Variants in PCDH15 observed in about 807,000 individuals in gnomAD.
PCDH15 encodes protocadherin-15.
PCDH15 carries 129 observed loss-of-function variants against 178.5 expected under a neutral mutation model. That is an observed-to-expected ratio of 0.72 (90% CI 0.63 to 0.84). The LOEUF is 0.84. Among genes scored for constraint, PCDH15 ranks in the 40% least tolerant of loss-of-function variants. PCDH15 has a pLI of 0.00. For missense variants in PCDH15, 2,230 were observed against 2,099.9 expected (o/e 1.06, Z -1.21); for synonymous variants, 800 against 732.0 (o/e 1.09, Z -1.50).
rs1954177922 is a variant in PCDH15 at position 54,877,936 on chromosome 10, CTCTTTTTTTTTTT to C, written c.-29+19501_-29+19513del. Reference sequence around the variant, plus strand: ...TCTCTTATTCTCTTTCTCTCTCTCTCTCTTTTTTTTTTTTTTTTTTTTTTTTTTTTTTTTTTTT... The same window carrying C: ...TCTCTTATTCTCTTTCTCTCTCTCTCTTTTTTTTTTTTTTTTTTTTTTTTT... On this transcript the variant is annotated intron_variant, in intron 3 of 5. Transcript: ENST00000458638. Among the ~76,000 whole-genome samples, 7 of 104,326 alleles carry C rather than the reference CTCTTTTTTTTTTT, an allele frequency of 6.7e-5. 2 individuals carry two copies. Among genetic ancestry groups the C allele is most frequent in the Non-Finnish European group, 1.4e-4 (7 of 50,044 alleles). The allele number at this position is 104,326 out of a possible 152,430, so 68.4% of individuals were successfully genotyped here.
intron 2 of PCDH15, among the ~76,000 whole-genome samples, chr10:54,951,128 G>C (rs1030864550): frequency 6.6e-6 from 1 of 151,820 alleles, no homozygotes. Flanking sequence ...TAGACTATGG[G>C]TTTTGACAAA....
chr10:54,985,663 G>C (rs1220914562), intron 2 of PCDH15, among the ~76,000 whole-genome samples: 4 of 152,130 alleles, frequency 2.6e-5, no homozygotes, highest in Non-Finnish European at 5.9e-5. Flanking sequence ...AGCATCAAAA[G>C]TGACTATTGC....
At chr10:54,714,282 G>A (rs1254204547) in intron 1 of PCDH15, among the ~76,000 whole-genome samples, 3 of 152,122 alleles carry the variant, frequency 2.0e-5, no homozygotes, top group South Asian at 2.1e-4. Context: ...TCCACCAGTC[G>A]CAACTAAAAG....
At chr10:54,846,431 G>A (rs1013611568) in intron 3 of PCDH15, among the ~76,000 whole-genome samples, 2 of 152,068 alleles carry the variant, frequency 1.3e-5, no homozygotes, top group South Asian at 2.1e-4. Context: ...CCAACTTGAA[G>A]CTATTCATGT....
chr10:53,909,001 G>A lies in PCDH15; in HGVS notation c.3374-5631C>T, dbSNP rs551618520. Among the ~76,000 whole-genome samples the A allele has an allele frequency of 3.3e-5, 5 of 152,266 alleles. No individual in the cohort carries two copies. In the East Asian group the frequency reaches 9.6e-4, roughly 29 times the overall value. On this transcript the variant is annotated intron_variant, in intron 25 of 37. Coordinates refer to ENST00000644397, the MANE Select transcript of PCDH15 (RefSeq NM_001384140.1). ...CGGGTATATTAATTATGGAAGCATT[G>A]TGACTTCCACATAGTAGGTGATATG...
intron 3 of PCDH15, among the ~76,000 whole-genome samples, chr10:54,387,028 CAT>C (rs1413728060): frequency 6.6e-6 from 1 of 152,198 alleles, no homozygotes; most frequent in African/African-American, 2.4e-5. Flanking sequence ...TGAGGTAATA[CAT>C]ATGTTAGTTG....
rs145777841 is a variant in PCDH15, at chr10:54,937,117, G to A, written c.-79-39617C>T. Among the ~76,000 whole-genome samples, 578 of 151,924 alleles carry A rather than the reference G, an allele frequency of 3.8e-3. 5 individuals are homozygous for A. Among genetic ancestry groups the A allele is most frequent in the African/African-American group, 0.013 (528 of 41,474 alleles). On this transcript the variant is annotated intron_variant, in intron 2 of 5. Coordinates refer to the PCDH15 transcript ENST00000458638. ...GAAAGATTTACCCCATTGAAATCTC[G>A]CAATACTCTTGTTGAAAATCAGTGA...
intron 2 of PCDH15, among the ~76,000 whole-genome samples, chr10:55,623,044 A>G (rs2250482): frequency 0.26 from 39,734 of 152,102 alleles, 6,043 homozygotes; most frequent in Non-Finnish European, 0.35. Context: ...CATATTTTCA[A>G]ACATGTTCTC....
Position 55,287,932 on chromosome 10 carries a change from G to C in PCDH15, c.-156+31667C>G, listed in dbSNP as rs1000211354. 2.6e-5 allele frequency among the ~76,000 whole-genome samples: 4 copies of C among 151,738 alleles called. No individual in the cohort carries two copies. The Admixed American group carries it at 2.6e-4, about 10-fold the overall frequency. ...AGTCTAGCATCATGTTTAGGGGTGT[G>C]AAAACTAGAACAAGGCTGAGTTCAC... is the stretch of plus-strand genomic sequence containing the variant. On this transcript the variant is annotated intron_variant, in intron 1 of 5. Transcript: ENST00000458638.
At chr10:54,359,412 A>G (rs527510787) in intron 5 of PCDH15, among the ~76,000 whole-genome samples, 5 of 152,116 alleles carry the variant, frequency 3.3e-5, no homozygotes, top group African/African-American at 1.2e-4. Context: ...GGGACATATG[A>G]GAACTGTACA....
intron 2 of PCDH15, among the ~76,000 whole-genome samples, chr10:54,539,214 A>G (rs947422036): frequency 6.6e-6 from 1 of 152,176 alleles, no homozygotes; most frequent in African/African-American, 2.4e-5. Flanking sequence ...ACACCCATTC[A>G]TCTGGTATCT....
chr10:54,872,186 TAAG>T (rs1471692100), intron 3 of PCDH15, among the ~76,000 whole-genome samples: 2 of 151,892 alleles, frequency 1.3e-5, no homozygotes, highest in African/African-American at 2.4e-5. Flanking sequence ...TTTTAATAAA[TAAG>T]GAGAAAAAAG....
intron 1 of PCDH15, among the ~76,000 whole-genome samples, chr10:54,715,159 G>A (rs1193127402): frequency 6.6e-6 from 1 of 151,892 alleles, no homozygotes; most frequent in Non-Finnish European, 1.5e-5. Context: ...TGCAATGCTC[G>A]GTTTAGACTT....
intron 26 of PCDH15, among the ~76,000 whole-genome samples, chr10:53,871,239 G>A (rs1022579761): frequency 6.6e-6 from 1 of 151,824 alleles, no homozygotes; most frequent in Non-Finnish European, 1.5e-5. Context: ...TACTCGGGAG[G>A]CTAAGGCAGG....
At chr10:54,398,985 A>C (rs1461330297) in intron 3 of PCDH15, among the ~76,000 whole-genome samples, 2 of 152,130 alleles carry the variant, frequency 1.3e-5, no homozygotes, top group African/African-American at 4.8e-5. Context: ...CTGCCACAGT[A>C]AACTGTCTCT....
At chr10:54,612,921 A>T (rs909956415) in intron 2 of PCDH15, among the ~76,000 whole-genome samples, 5 of 151,790 alleles carry the variant, frequency 3.3e-5, no homozygotes, top group African/African-American at 7.2e-5. Flanking sequence ...AATAGCATGA[A>T]TAGATGAATA....
chr10:53,988,263 T>G (rs2091240355), intron 21 of PCDH15, among the ~76,000 whole-genome samples: 1 of 152,110 alleles, frequency 6.6e-6, no homozygotes, highest in African/African-American at 2.4e-5. Flanking sequence ...CATGTACTCC[T>G]TGGTTTGATA....
chr10:54,113,353 C>T (rs4281403), intron 15 of PCDH15, among the ~76,000 whole-genome samples: 29,719 of 152,102 alleles, frequency 0.2, 4,788 homozygotes, highest in East Asian at 0.86. Context: ...AAGCATTCAT[C>T]TTGACTCTCC....
intron 2 of PCDH15, among the ~76,000 whole-genome samples, chr10:55,114,318 G>A (rs1040281419): frequency 7.9e-5 from 12 of 152,164 alleles, no homozygotes; most frequent in South Asian, 6.2e-4. Context: ...ATAAAACTAC[G>A]TTCTTTTCAC....
Sources: gnomAD v4.1 joint callset for allele counts (sites outside exome capture counted in the v4.1 genomes callset) on GRCh38, gnomAD v4.1.1 for gene constraint, MANE v1.5 for transcripts, NCBI Gene and HGNC (gene_info 2026-07-23, HGNC 2026-07-21) for gene names.